Variants in HDGFL3 observed in about 807,000 individuals in gnomAD.
HDGFL3 encodes the protein hepatoma-derived growth factor-related protein 3.
A neutral mutation model predicts 27.6 loss-of-function variants in HDGFL3; 6 were observed. The observed-to-expected ratio is 0.22, with a 90% CI of 0.12 to 0.43. The LOEUF is 0.43. Ranked by LOEUF, HDGFL3 falls within the 20% of genes least tolerant of loss-of-function variation. HDGFL3 has a pLI of 1.00. For synonymous variants in HDGFL3, 88 were observed against 88.9 expected (o/e 0.99, Z 0.05); for missense variants, 207 against 250.1 (o/e 0.83, Z 1.16).
chr15:83,151,296 T>C lies in HDGFL3; in HGVS notation c.525A>G (p.Glu175=), dbSNP rs751952602. ...DEDDKDCKEE[E]NKSSSEGGDA... ...CTCCACCCTCAGAGCTGCTTTTGTT[T>C]TCCTCTTCTTTGCAGTCTTTGTCAT... Residue 175 remains glutamate (E), a synonymous_variant, in exon 5 of 6, where the codon GAA becomes GAG. Transcript: ENST00000299633. 5 of 1,613,528 alleles carry C rather than the reference T, an allele frequency of 3.1e-6. No homozygotes were observed. In the South Asian group the frequency reaches 5.5e-5, roughly 18 times the overall value.
At chr15:83,157,227 G>GT (rs1215405041) in intron 4 of HDGFL3, 188 bp downstream of exon 4, 1 of 624,382 alleles carries the variant, frequency 1.6e-6, no homozygotes, top group African/African-American at 1.8e-5. Context: ...GCCCTAAAGA[G>GT]TCAATAGTCA....
At chr15:83,162,955 C>A (rs2037119549) in intron 2 of HDGFL3, among the ~76,000 whole-genome samples, 1 of 152,146 alleles carries the variant, frequency 6.6e-6, no homozygotes, top group African/African-American at 2.4e-5. Flanking sequence ...AGTATTCATG[C>A]TCTTCTTTTT....
intron 1 of HDGFL3, among the ~76,000 whole-genome samples, chr15:83,200,044 C>CAAAA (rs796608256): frequency 1.2e-5 from 1 of 83,758 alleles, no homozygotes; most frequent in Non-Finnish European, 2.3e-5. Flanking sequence ...AACTCCATCT[C>CAAAA]AAAAAAAAAA....
Position 83,152,390 on chromosome 15 carries a change from T to C in HDGFL3, c.460-1029A>G, listed in dbSNP as rs559314937. 3.6e-4 allele frequency among the ~76,000 whole-genome samples: 55 copies of C among 152,000 alleles called. 1 individual carries two copies. In the South Asian group the frequency reaches 7.3e-3, roughly 20 times the overall value. On this transcript the variant is annotated intron_variant, in intron 4 of 5. Transcript: ENST00000299633. The stretch of plus-strand genomic sequence containing the variant: ...GCTTGGCCAACATGGCAAAACCCTG[T>C]CTCTACTAAAACTACAAAAATTACC...
At chr15:83,122,764 T>C (rs762917427), downstream of HDGFL3, 2 of 1,613,900 alleles carry the variant, frequency 1.2e-6, no homozygotes, top group East Asian at 2.2e-5. Flanking sequence ...TAGGGAAGTA[T>C]GGAACACGAA....
rs2036675488 is a variant in HDGFL3, at chr15:83,137,489, T to C, written c.*1781A>G. ...TCCCCTTATGTTTCAGTGTGAGCAA[T>C]GAAGAGGTCTTTTGATGAATTAAAT... On this transcript the variant is annotated 3_prime_UTR_variant, in exon 6 of 6. Coordinates refer to ENST00000299633, the MANE Select transcript of HDGFL3 (RefSeq NM_016073.4). The C allele has an allele frequency of 6.6e-6, 1 of 152,174 alleles. No individual in the cohort carries two copies. The highest frequency in any genetic ancestry group is 2.1e-4 in the South Asian group (1 of 4,830). 9.4% of individuals were successfully genotyped at this position (152,174 alleles called of 1,614,324 possible). A position where few individuals can be genotyped will look rare whatever the true frequency, so the allele number is the denominator to read the frequency against.
At position 83,128,492 on chromosome 15, in the gene HDGFL3, T is replaced by C. The variant is rs2035964074; in HGVS notation, c.*10778A>G. 1 of 152,232 alleles carries C rather than the reference T, an allele frequency of 6.6e-6. No homozygotes were observed. The highest frequency in any genetic ancestry group is 2.4e-5 in the African/African-American group (1 of 41,454). 9.4% of individuals were successfully genotyped at this position (152,232 alleles called of 1,614,324 possible). On this transcript the variant is annotated 3_prime_UTR_variant, in exon 6 of 6. Transcript: ENST00000299633. Reference sequence around the variant, plus strand: ...TGTTTTTCCTTTGCAGACCTCTAAATACCTGATTCCTCAGTCCTTGGGGTT... The same window carrying C: ...TGTTTTTCCTTTGCAGACCTCTAAACACCTGATTCCTCAGTCCTTGGGGTT...
Position 83,207,641 on chromosome 15 carries a change from C to T in HDGFL3, c.-227G>A, listed in dbSNP as rs1638690866. On this transcript the variant is annotated 5_prime_UTR_variant, in exon 1 of 6. Transcript: ENST00000299633. The surrounding 1 kb of genome is among the most constrained non-coding windows in gnomAD (Gnocchi z 4.8). Reference sequence around the variant, plus strand: ...CCCGGCAGCGGGGGAGGGGAGCCCCCGGCCGTTCGGCGCTCGCCCGCGTCC... The same window carrying T: ...CCCGGCAGCGGGGGAGGGGAGCCCCTGGCCGTTCGGCGCTCGCCCGCGTCC... The T allele has an allele frequency of 5.1e-6, 1 of 195,662 alleles. No individual in the cohort carries two copies. The highest frequency in any genetic ancestry group is 1.0e-5 in the Non-Finnish European group (1 of 98,692). The allele number at this position is 195,662 out of a possible 1,614,324, so 12.1% of individuals were successfully genotyped here.
intron 1 of HDGFL3, among the ~76,000 whole-genome samples, chr15:83,198,440 A>G (rs2037598869): frequency 6.6e-6 from 1 of 152,224 alleles, no homozygotes; most frequent in South Asian, 2.1e-4. Flanking sequence ...CTGACTTTAC[A>G]TAAAATGAAA....
intron 1 of HDGFL3, among the ~76,000 whole-genome samples, chr15:83,171,333 G>T (rs1010560137): frequency 3.5e-4 from 54 of 152,248 alleles, no homozygotes; most frequent in East Asian, 5.8e-4. Flanking sequence ...AAGCAGTTTG[G>T]AGATTTCTCA....
intron 5 of HDGFL3, among the ~76,000 whole-genome samples, chr15:83,140,813 T>A (rs1351788164): frequency 6.6e-6 from 1 of 152,158 alleles, no homozygotes; most frequent in Non-Finnish European, 1.5e-5. Flanking sequence ...TTTCTTATTA[T>A]TACTGTGAAA....
intron 2 of HDGFL3, among the ~76,000 whole-genome samples, chr15:83,160,040 A>G (rs2037079055): frequency 6.6e-6 from 1 of 152,210 alleles, no homozygotes; most frequent in South Asian, 2.1e-4. Flanking sequence ...TTCTGAAGTA[A>G]TGATGGTGAC....
chr15:83,194,285 G>A (rs2037545144), intron 1 of HDGFL3, among the ~76,000 whole-genome samples: 1 of 152,198 alleles, frequency 6.6e-6, no homozygotes, highest in Admixed American at 6.5e-5. Context: ...ATTATGCTAA[G>A]TGAAATAAGC....
At chr15:83,196,956 A>G (rs895014646) in intron 1 of HDGFL3, among the ~76,000 whole-genome samples, 4 of 152,248 alleles carry the variant, frequency 2.6e-5, no homozygotes, top group African/African-American at 9.6e-5. Context: ...AAGATGTACA[A>G]GGAGCTGACC....
At chr15:83,204,573 T>C (rs1409961525) in intron 1 of HDGFL3, among the ~76,000 whole-genome samples, 5 of 152,216 alleles carry the variant, frequency 3.3e-5, no homozygotes, top group Non-Finnish European at 7.3e-5. Flanking sequence ...TTTTTAAACT[T>C]ATCTATATAT....
chr15:83,158,090 A>G (rs773941603), intron 2 of HDGFL3, 49 bp from the exon 3 acceptor site: 1 of 1,489,082 alleles, frequency 6.7e-7, no homozygotes, highest in Non-Finnish European at 9.2e-7. Flanking sequence ...CTTCAAAGGT[A>G]AGATATTTTA....
intron 1 of HDGFL3, among the ~76,000 whole-genome samples, chr15:83,192,617 A>T (rs532188030): frequency 7.9e-4 from 121 of 152,340 alleles, no homozygotes; most frequent in Non-Finnish European, 1.4e-3. Flanking sequence ...TTTTTTGGAT[A>T]ATTTTTTCAG....
intron 1 of HDGFL3, among the ~76,000 whole-genome samples, chr15:83,182,516 A>G (rs1167577167): frequency 2.0e-5 from 3 of 152,190 alleles, no homozygotes; most frequent in Non-Finnish European, 4.4e-5. Flanking sequence ...TGAATCTTTA[A>G]AACACTATGC....
chr15:83,181,822 C>T (rs1006444767), intron 1 of HDGFL3, among the ~76,000 whole-genome samples: 4 of 152,092 alleles, frequency 2.6e-5, no homozygotes, highest in Non-Finnish European at 4.4e-5. Flanking sequence ...GCTTATTCCC[C>T]CAACGCTGCA....
Sources: gnomAD v4.1 joint callset for allele counts (sites outside exome capture counted in the v4.1 genomes callset) on GRCh38, gnomAD v4.1.1 for gene constraint, Gnocchi (gnomAD v3.1) non-coding constraint, MANE v1.5 for transcripts, NCBI Gene and HGNC (gene_info 2026-07-23, HGNC 2026-07-21) for gene names.